The following FOXO3 variants were observed in gnomAD, a reference collection of about 807,000 sequenced individuals.
The protein encoded by FOXO3 is forkhead box O3.
FOXO3 carries 4 observed loss-of-function variants against 41.9 expected under a neutral mutation model. The observed-to-expected ratio is 0.10, with a 90% CI of 0.05 to 0.22. The LOEUF is 0.22. Ranked by LOEUF, FOXO3 falls within the 10% of genes least tolerant of loss-of-function variation. The pLI, the probability that FOXO3 is intolerant of heterozygous loss-of-function variation, is 1.00. For synonymous variants in FOXO3, 318 were observed against 389.3 expected, an observed-to-expected ratio of 0.82 and a Z score of 2.16; for missense variants, 534 against 906.8, an observed-to-expected ratio of 0.59 and a Z score of 5.28.
intron 1 of FOXO3, among the ~76,000 whole-genome samples, chr6:108,596,640 T>G (rs889910347): frequency 6.6e-6 from 1 of 152,198 alleles, no homozygotes; most frequent in African/African-American, 2.4e-5. Context: ...AATGTGTACC[T>G]GTCCATAGGC....
chr6:108,642,215 A>G (rs965239928), intron 1 of FOXO3, among the ~76,000 whole-genome samples: 1 of 151,654 alleles, frequency 6.6e-6, no homozygotes, highest in Non-Finnish European at 1.5e-5. Flanking sequence ...CAGCCCTCCA[A>G]ATAGCTGGGA....
At chr6:108,643,426 G>C (rs1778312773) in intron 1 of FOXO3, among the ~76,000 whole-genome samples, 1 of 152,174 alleles carries the variant, frequency 6.6e-6, no homozygotes, top group South Asian at 2.1e-4. Flanking sequence ...CGTCAGAGAG[G>C]AGTGCTCACT....
At chr6:108,572,021 A>G (rs1009694317) in intron 1 of FOXO3, among the ~76,000 whole-genome samples, 1 of 152,180 alleles carries the variant, frequency 6.6e-6, no homozygotes, top group Non-Finnish European at 1.5e-5. Flanking sequence ...AGTTAGAGCT[A>G]CTAGAACATG....
intron 1 of FOXO3, chr6:108,618,044 C>A: frequency 1.5e-6 from 1 of 689,124 alleles, no homozygotes. Flanking sequence ...TCAATCGTAT[C>A]TTCATTCTCC....
intron 2 of FOXO3, among the ~76,000 whole-genome samples, chr6:108,677,549 A>G (rs1770658503): frequency 6.6e-6 from 1 of 152,198 alleles, no homozygotes; most frequent in Admixed American, 6.5e-5. Flanking sequence ...TTAATACCCA[A>G]GGGAACTGGA....
chr6:108,578,705 G>A (rs938097361), intron 1 of FOXO3, among the ~76,000 whole-genome samples: 5 of 152,156 alleles, frequency 3.3e-5, no homozygotes, highest in African/African-American at 1.2e-4. Flanking sequence ...ACTATCAGAC[G>A]GGAGTAGTTG....
intron 1 of FOXO3, among the ~76,000 whole-genome samples, chr6:108,597,200 A>G (rs1214960176): frequency 6.6e-6 from 1 of 152,196 alleles, no homozygotes; most frequent in African/African-American, 2.4e-5. Context: ...CAGAGGTTGT[A>G]TAAGTTGTTT....
intron 1 of FOXO3, among the ~76,000 whole-genome samples, chr6:108,578,207 T>G (rs1458499176): frequency 1.3e-5 from 2 of 152,122 alleles, no homozygotes; most frequent in East Asian, 3.8e-4. Context: ...TCACGCAGAT[T>G]CTCAGGCTTA....
At chr6:108,609,340 C>T (rs1385035354) in intron 1 of FOXO3, among the ~76,000 whole-genome samples, 1 of 152,138 alleles carries the variant, frequency 6.6e-6, no homozygotes, top group Non-Finnish European at 1.5e-5. Context: ...GTTGTGGTGA[C>T]TGAGGGCATT....
At chr6:108,671,313 G>A (rs976334807) in intron 2 of FOXO3, among the ~76,000 whole-genome samples, 6 of 152,182 alleles carry the variant, frequency 3.9e-5, no homozygotes, top group African/African-American at 9.7e-5. Flanking sequence ...AGTTCATCAC[G>A]GTTGGACATG....
chr6:108,562,181 A>AG (rs1367892579), intron 1 of FOXO3, among the ~76,000 whole-genome samples: 4 of 151,688 alleles, frequency 2.6e-5, no homozygotes, highest in Non-Finnish European at 5.9e-5. Context: ...AGTTTACCGT[A>AG]GTGGGGGTCT....
chr6:108,650,954 G>T (rs1369847804), intron 1 of FOXO3, among the ~76,000 whole-genome samples: 3 of 152,064 alleles, frequency 2.0e-5, no homozygotes, highest in African/African-American at 7.2e-5. Flanking sequence ...GTCATCAGCC[G>T]CTTTTGCATC....
intron 1 of FOXO3, among the ~76,000 whole-genome samples, chr6:108,590,279 A>T (rs138095903): frequency 8.5e-5 from 13 of 152,192 alleles, no homozygotes; most frequent in African/African-American, 3.1e-4. Flanking sequence ...GTGAGCCACC[A>T]CACCCAGCAC....
In FOXO3 at chr6:108,646,062, T is replaced by C. The variant is rs552048446; in HGVS notation, c.622-17393T>C. Among the ~76,000 whole-genome samples, 15 of 152,272 alleles carry C rather than the reference T, an allele frequency of 9.9e-5. No individual in the cohort carries two copies. The South Asian group carries it at 3.1e-3, about 32-fold the overall frequency. ...TGTAAGAAGTGATTGATGCTCAGAC[T>C]CCTCTTATTCTCTGCCCTCTCATCT... On this transcript the variant is annotated intron_variant, in intron 1 of 2. Transcript: ENST00000406360.
intron 1 of FOXO3, among the ~76,000 whole-genome samples, chr6:108,599,675 T>A (rs1443218586): frequency 6.6e-6 from 1 of 152,222 alleles, no homozygotes; most frequent in African/African-American, 2.4e-5. Context: ...AGAAAAAATC[T>A]TAGTTATTAA....
At chr6:108,583,377 G>C (rs1056352438) in intron 1 of FOXO3, among the ~76,000 whole-genome samples, 2 of 152,188 alleles carry the variant, frequency 1.3e-5, no homozygotes, top group African/African-American at 4.8e-5. Context: ...GATGGGGCCT[G>C]AGTTTTCTGA....
chr6:108,611,843 A>G (rs1675039263), intron 1 of FOXO3, among the ~76,000 whole-genome samples: 1 of 152,146 alleles, frequency 6.6e-6, no homozygotes, highest in South Asian at 2.1e-4. Context: ...ACAGTGTCCT[A>G]ACAACTAAAG....
chr6:108,633,601 G>A (rs1285252759), intron 1 of FOXO3, among the ~76,000 whole-genome samples: 1 of 152,080 alleles, frequency 6.6e-6, no homozygotes, highest in South Asian at 2.1e-4. Flanking sequence ...AAATACTTAG[G>A]TCATTATAAT....
intron 1 of FOXO3, among the ~76,000 whole-genome samples, chr6:108,614,128 T>G (rs939832191): frequency 6.6e-6 from 1 of 152,144 alleles, no homozygotes; most frequent in African/African-American, 2.4e-5. Flanking sequence ...CCAAGAATAT[T>G]GTCTATCTTA....
Sources: gnomAD v4.1 joint callset for allele counts (sites outside exome capture counted in the v4.1 genomes callset) on GRCh38, gnomAD v4.1.1 for gene constraint, MANE v1.5 for transcripts, NCBI Gene and HGNC (gene_info 2026-07-23, HGNC 2026-07-21) for gene names.